ATL1: variants seen among roughly 807,000 people sequenced by gnomAD.
The protein encoded by ATL1 is atlastin-1.
A neutral mutation model predicts 75.5 loss-of-function variants in ATL1; 31 were observed. That is an observed-to-expected ratio of 0.41 (90% CI 0.31 to 0.55). The LOEUF is 0.55. Ranked by LOEUF, ATL1 falls within the 20% of genes least tolerant of loss-of-function variation. ATL1 has a pLI of 0.27. For missense variants in ATL1, 405 were observed against 662.6 expected (o/e 0.61, Z 4.27); for synonymous variants, 226 against 233.3 (o/e 0.97, Z 0.28).
At chr14:50,592,944 ATATG>A (rs1318833245) in intron 4 of ATL1, among the ~76,000 whole-genome samples, 3 of 131,230 alleles carry the variant, frequency 2.3e-5, no homozygotes, top group Non-Finnish European at 1.6e-5. Flanking sequence ...ATATATATAT[ATATG>A]TGTGTGTGTG....
At chr14:50,534,214 A>T (rs1262746130) in intron 1 of ATL1, among the ~76,000 whole-genome samples, 1 of 152,208 alleles carries the variant, frequency 6.6e-6, no homozygotes, top group African/African-American at 2.4e-5. Context: ...TACTCCAGGG[A>T]ATTTCAGGCA....
rs147830173 is a variant in ATL1, at chr14:50,537,352, G to C, written c.-140+3985G>C. The stretch of plus-strand genomic sequence containing the variant: ...TTTCAGATGATGTATGGAAATGCCT[G>C]GATGTCCAGGCAGAAGTTTTCTGCA... On this transcript the variant is annotated intron_variant, in intron 1 of 13. Transcript: ENST00000441560. Among the ~76,000 whole-genome samples, 505 of 152,336 alleles carry C rather than the reference G, an allele frequency of 3.3e-3. 1 individual carries two copies. The highest frequency in any genetic ancestry group is 0.012 in the African/African-American group (487 of 41,576).
intron 1 of ATL1, among the ~76,000 whole-genome samples, chr14:50,540,934 T>G (rs2038552687): frequency 6.6e-6 from 1 of 152,246 alleles, no homozygotes; most frequent in African/African-American, 2.4e-5. Context: ...TAACTCCTCT[T>G]GGCTTGTGCA....
intron 2 of ATL1, among the ~76,000 whole-genome samples, chr14:50,589,155 CTTTTTT>C (rs34191629): frequency 3.0e-4 from 33 of 109,404 alleles, no homozygotes; most frequent in South Asian, 6.5e-4. Context: ...TTCTTTCTTT[CTTTTTT>C]TTTTTTTTTT....
intron 2 of ATL1, 99 bp downstream of exon 2, chr14:50,588,177 G>A: frequency 1.4e-6 from 2 of 1,429,738 alleles, no homozygotes; most frequent in Non-Finnish European, 1.9e-6. Flanking sequence ...CTATTATTAT[G>A]TACCCTATAT....
intron 5 of ATL1, 125 bp downstream of exon 5, chr14:50,594,021 C>A: frequency 1.4e-6 from 1 of 740,300 alleles, no homozygotes; most frequent in Non-Finnish European, 2.3e-6. Flanking sequence ...GAACTATTGG[C>A]CCAATTAGCT....
Position 50,562,819 on chromosome 14 carries a change from A to G in ATL1, c.34+2520A>G, listed in dbSNP as rs2038864125. On this transcript the variant is annotated intron_variant, in intron 1 of 13. Coordinates refer to ENST00000358385, the MANE Select transcript of ATL1 (RefSeq NM_015915.5). ...ATGACATAAATGACTTAGAAAATGT[A>G]GTAGATGGAGTAGGAGATAGAGGTT... Among the ~76,000 whole-genome samples the G allele has an allele frequency of 3.3e-5, 5 of 152,206 alleles. No homozygotes were observed. In the South Asian group the frequency reaches 1.0e-3, roughly 32 times the overall value.
chr14:50,560,504 A>C (rs2038825464), intron 1 of ATL1: 3 of 650,976 alleles, frequency 4.6e-6, no homozygotes, highest in Non-Finnish European at 7.9e-6. Context: ...TGTCGGGGTG[A>C]GGGCTGCAGC....
intron 10 of ATL1, among the ~76,000 whole-genome samples, chr14:50,622,244 A>T (rs2039474007): frequency 6.6e-6 from 1 of 152,236 alleles, no homozygotes; most frequent in African/African-American, 2.4e-5. Context: ...TTTTTTTAAA[A>T]TGAGCCAGGC....
intron 1 of ATL1, among the ~76,000 whole-genome samples, chr14:50,552,752 A>G (rs902058723): frequency 2.0e-5 from 3 of 152,352 alleles, no homozygotes; most frequent in Middle Eastern, 3.4e-3. Flanking sequence ...AAACAAAAAC[A>G]TAAAGTGGGG....
At chr14:50,557,959 G>T (rs1265444542), upstream of ATL1, among the ~76,000 whole-genome samples, 2 of 152,134 alleles carry the variant, frequency 1.3e-5, no homozygotes, top group Non-Finnish European at 2.9e-5. Context: ...ATGTTAAAAG[G>T]ACACACGAGC....
chr14:50,592,898 G>A (rs1046104357), intron 4 of ATL1, among the ~76,000 whole-genome samples: 1 of 141,850 alleles, frequency 7.0e-6, no homozygotes, highest in Non-Finnish European at 1.5e-5. Flanking sequence ...GGGTGACAGG[G>A]CGAGACTCCC....
intron 4 of ATL1, among the ~76,000 whole-genome samples, chr14:50,592,335 A>C (rs575349566): frequency 1.3e-5 from 2 of 152,228 alleles, no homozygotes; most frequent in Admixed American, 6.5e-5. Context: ...CAGATCAATA[A>C]AAAAAGGTAA....
intron 2 of ATL1, among the ~76,000 whole-genome samples, chr14:50,588,724 TA>T (rs566992006): frequency 1.3e-5 from 2 of 151,188 alleles, no homozygotes; most frequent in African/African-American, 4.9e-5. Context: ...CTGTCTCTAC[TA>T]AAAAAAAACA....
intron 12 of ATL1, 186 bp downstream of exon 12, chr14:50,628,648 A>C (rs1595625658): frequency 4.1e-6 from 3 of 724,336 alleles, no homozygotes; most frequent in Admixed American, 4.0e-5. Context: ...GAAGTCCTAC[A>C]CAACTATTTT....
chr14:50,565,860 A>G (rs1294100163), intron 1 of ATL1, among the ~76,000 whole-genome samples: 1 of 152,246 alleles, frequency 6.6e-6, no homozygotes, highest in African/African-American at 2.4e-5. Flanking sequence ...ATATATGTAT[A>G]CAAAATAACA....
rs952865114 is a variant in ATL1 at position 50,550,488 on chromosome 14, G to A, written c.-139-9639G>A. Among the ~76,000 whole-genome samples, 9 of 152,158 alleles carry A rather than the reference G, an allele frequency of 5.9e-5. No homozygotes were observed. The South Asian group carries it at 1.0e-3, about 18-fold the overall frequency. On this transcript the variant is annotated intron_variant, in intron 1 of 13. Coordinates refer to the ATL1 transcript ENST00000441560. ...GTATGTGGATTCCTCCCCTTGTTAA[G>A]TTGCAATGGTATGCCTTGGGATATT...
intron 6 of ATL1, among the ~76,000 whole-genome samples, chr14:50,611,054 G>T (rs1047298626): frequency 1.3e-5 from 2 of 151,934 alleles, no homozygotes; most frequent in African/African-American, 4.8e-5. Context: ...TGACATAGCT[G>T]TCTTGAAAAA....
At chr14:50,599,603 G>C (rs1002653186) in intron 6 of ATL1, among the ~76,000 whole-genome samples, 1 of 152,108 alleles carries the variant, frequency 6.6e-6, no homozygotes. Flanking sequence ...AAAATATGGG[G>C]AAAAGCATAC....
Sources: gnomAD v4.1 joint callset for allele counts (sites outside exome capture counted in the v4.1 genomes callset) on GRCh38, gnomAD v4.1.1 for gene constraint, MANE v1.5 for transcripts, NCBI Gene and HGNC (gene_info 2026-07-23, HGNC 2026-07-21) for gene names.